The following PPP1R14D variants were observed in gnomAD, a reference collection of about 807,000 sequenced individuals.
PPP1R14D encodes the protein protein phosphatase 1 regulatory subunit 14D.
In PPP1R14D, 14 loss-of-function variants were observed where a neutral mutation model predicts 17.1. That is an observed-to-expected ratio of 0.82 (90% CI 0.54 to 1.28). The LOEUF (loss-of-function observed/expected upper bound fraction) is 1.28. Ranked by LOEUF, PPP1R14D falls within the 50% of genes most tolerant of loss-of-function variation. The pLI is 0.00. For missense variants in PPP1R14D, 173 were observed against 179.2 expected, an observed-to-expected ratio of 0.97 and a Z score of 0.20; for synonymous variants, 67 against 66.1, an observed-to-expected ratio of 1.01 and a Z score of -0.06.
At chr15:40,823,853 G>A (rs761311957) in intron 1 of PPP1R14D, among the ~76,000 whole-genome samples, 24 of 152,050 alleles carry the variant, frequency 1.6e-4, no homozygotes, top group South Asian at 2.1e-4. Flanking sequence ...TGAATATAAG[G>A]TATGTGTATT....
Position 40,815,738 on chromosome 15 carries a change from A to T in PPP1R14D, c.396T>A (p.Ser132Arg), listed in dbSNP as rs1462550895. Residue 132 changes from serine (S) to arginine (R), a missense_variant, in exon 4 of 4, where the codon AGT (serine) becomes AGA (arginine). Transcript: ENST00000299174. ...PTEAFISELLSQLKKLRRLSR... is the reference protein window; with the variant it reads ...PTEAFISELLRQLKKLRRLSR... ...TGAGTCTCCGGAGTTTCTTGAGTTG[A>T]CTGAGCAGCTCAGAGATAAAAGCCT... is the stretch of plus-strand genomic sequence containing the variant. The T allele has an allele frequency of 6.2e-7, 1 of 1,613,062 alleles. No individual in the cohort carries two copies. Among genetic ancestry groups the T allele is most frequent in the Non-Finnish European group, 8.5e-7 (1 of 1,179,650 alleles).
At chr15:40,823,093 C>G (rs1420242886) in intron 1 of PPP1R14D, among the ~76,000 whole-genome samples, 1 of 150,922 alleles carries the variant, frequency 6.6e-6, no homozygotes, top group Non-Finnish European at 1.5e-5. Flanking sequence ...GCCTCCCAAG[C>G]AGCTGGGATT....
intron 1 of PPP1R14D, among the ~76,000 whole-genome samples, chr15:40,825,853 G>T (rs1890861159): frequency 6.6e-6 from 1 of 152,220 alleles, no homozygotes; most frequent in African/African-American, 2.4e-5. Context: ...TCCAGTCATT[G>T]CCTGGGAACG....
At chr15:40,822,511 T>A (rs1251195762) in intron 1 of PPP1R14D, among the ~76,000 whole-genome samples, 1 of 151,918 alleles carries the variant, frequency 6.6e-6, no homozygotes, top group South Asian at 2.1e-4. Flanking sequence ...TGGAGTGCAA[T>A]GGCATGATCT....
chr15:40,818,933 G>A (rs940524122), intron 1 of PPP1R14D, among the ~76,000 whole-genome samples: 6 of 152,068 alleles, frequency 3.9e-5, no homozygotes, highest in Non-Finnish European at 7.4e-5. Context: ...GGGGATAGTG[G>A]GGGAAGCTAT....
intron 1 of PPP1R14D, among the ~76,000 whole-genome samples, chr15:40,825,916 C>G (rs1890862381): frequency 6.6e-6 from 1 of 152,222 alleles, no homozygotes; most frequent in African/African-American, 2.4e-5. Flanking sequence ...TGTACAGCCT[C>G]CAGCCCTCCA....
intron 1 of PPP1R14D, among the ~76,000 whole-genome samples, chr15:40,818,889 T>G (rs913052093): frequency 6.6e-6 from 1 of 152,108 alleles, no homozygotes; most frequent in African/African-American, 2.4e-5. Context: ...ATTCATTGAT[T>G]GTAACAAATA....
At chr15:40,818,699 G>A (rs781559681) in intron 1 of PPP1R14D, among the ~76,000 whole-genome samples, 1 of 152,220 alleles carries the variant, frequency 6.6e-6, no homozygotes, top group East Asian at 1.9e-4. Flanking sequence ...TGCCACAGGG[G>A]TAAGAGGGAG....
At chr15:40,824,491 C>T (rs1890838295) in intron 1 of PPP1R14D, among the ~76,000 whole-genome samples, 1 of 152,030 alleles carries the variant, frequency 6.6e-6, no homozygotes, top group Admixed American at 6.6e-5. Flanking sequence ...CCTCCTCAGC[C>T]TCCCAAGTGG....
chr15:40,825,855 C>T (rs1437770844), intron 1 of PPP1R14D, among the ~76,000 whole-genome samples: 6 of 152,194 alleles, frequency 3.9e-5, no homozygotes, highest in African/African-American at 1.2e-4. Flanking sequence ...CAGTCATTGC[C>T]TGGGAACGCT....
In PPP1R14D at chr15:40,828,591, C is replaced by T. The variant is rs761561525; in HGVS notation, c.51G>A (p.Glu17=). The T allele has an allele frequency of 7.4e-6, 12 of 1,614,108 alleles. No homozygotes were observed. In the South Asian group the frequency reaches 1.3e-4, roughly 18 times the overall value. The change falls in exon 1 of 4, where the codon GAG becomes GAA. Residue 17 remains glutamate, a synonymous_variant. Transcript: ENST00000299174. ...CCCAGTGGACCTTCTTACATGGGTT[C>T]TCCCCATCTGGGCTGGGAGATGTGC... The part of the protein sequence containing the change: ...ASCTSPSPDG[E]NPCKKVHWAS...
In PPP1R14D at chr15:40,828,384, T is replaced by C. The variant is rs796663501; in HGVS notation, c.255+3A>G. The stretch of plus-strand genomic sequence containing the variant: ...TCCTCCCACTATCCGCTGTGCTACC[T>C]ACCTGGAAGAGCTCCTGAACTTGAG... On this transcript the variant is annotated splice_donor_region_variant and intron_variant, in intron 1 of 3. Coordinates refer to ENST00000299174, the MANE Select transcript of PPP1R14D (RefSeq NM_017726.8). The C allele has an allele frequency of 6.3e-6, 10 of 1,586,062 alleles. No individual in the cohort carries two copies. The African/African-American group carries it at 1.3e-4, about 21-fold the overall frequency.
At chr15:40,818,760 A>G (rs1374491678) in intron 1 of PPP1R14D, among the ~76,000 whole-genome samples, 2 of 152,260 alleles carry the variant, frequency 1.3e-5, no homozygotes, top group African/African-American at 2.4e-5. Context: ...ACTCTTCTGT[A>G]TGACACTATA....
intron 1 of PPP1R14D, among the ~76,000 whole-genome samples, chr15:40,820,166 C>CT (rs1021379480): frequency 8.1e-4 from 110 of 136,540 alleles, no homozygotes; most frequent in African/African-American, 2.8e-3. Flanking sequence ...GTGCCCAGCC[C>CT]TTTTTTTTTG....
Position 40,826,089 on chromosome 15 carries a change from C to T in PPP1R14D, c.255+2298G>A, listed in dbSNP as rs532584001. ...AGGGAAGAGCAGTGGATATGTCCTG[C>T]GAGGTCAGAGCAGATACAGGCCAAG... On this transcript the variant is annotated intron_variant, in intron 1 of 3. Transcript: ENST00000299174. 1.2e-4 allele frequency among the ~76,000 whole-genome samples: 19 copies of T among 152,266 alleles called. No homozygotes were observed. In the South Asian group the frequency reaches 2.9e-3, roughly 23 times the overall value.
At chr15:40,823,278 A>T (rs1263437138) in intron 1 of PPP1R14D, among the ~76,000 whole-genome samples, 1 of 150,998 alleles carries the variant, frequency 6.6e-6, no homozygotes, top group East Asian at 2.0e-4. Context: ...GCTAATTTTT[A>T]AAAATTTTTT....
At chr15:40,827,359 T>C (rs1890885093) in intron 1 of PPP1R14D, among the ~76,000 whole-genome samples, 1 of 151,890 alleles carries the variant, frequency 6.6e-6, no homozygotes, top group Non-Finnish European at 1.5e-5. Context: ...AAATACAAAA[T>C]TAGTCGGGCA....
At chr15:40,816,103 A>G (rs1277294118) in intron 2 of PPP1R14D, 67 bp downstream of exon 2, 4 of 1,598,226 alleles carry the variant, frequency 2.5e-6, no homozygotes, top group African/African-American at 1.3e-5. Context: ...GCACTCCACC[A>G]AAGGAGGCAG....
chr15:40,818,973 A>C (rs1352647437), intron 1 of PPP1R14D, among the ~76,000 whole-genome samples: 1 of 152,132 alleles, frequency 6.6e-6, no homozygotes, highest in African/African-American at 2.4e-5. Flanking sequence ...GATATGGGAA[A>C]TATCTTTTAC....
Sources: gnomAD v4.1 joint callset for allele counts (sites outside exome capture counted in the v4.1 genomes callset) on GRCh38, gnomAD v4.1.1 for gene constraint, MANE v1.5 for transcripts, NCBI Gene and HGNC (gene_info 2026-07-23, HGNC 2026-07-21) for gene names.